RECQL5: variants seen among roughly 807,000 people sequenced by gnomAD.
The protein encoded by RECQL5 is ATP-dependent DNA helicase Q5.
A neutral mutation model predicts 103.4 loss-of-function variants in RECQL5; 88 were observed. The ratio of observed to expected loss-of-function variants is 0.85; its 90% confidence interval spans 0.72 to 1.02. The LOEUF (loss-of-function observed/expected upper bound fraction) is 1.02, where lower values mean the gene tolerates loss of function less well. Among genes scored for constraint, RECQL5 ranks in the 50% least tolerant of loss-of-function variants. The pLI, the probability that RECQL5 is intolerant of heterozygous loss-of-function variation, is 0.00. For missense variants in RECQL5, 1,232 were observed against 1,284.3 expected, an observed-to-expected ratio of 0.96 and a Z score of 0.62; for synonymous variants, 552 against 507.9, an observed-to-expected ratio of 1.09 and a Z score of -1.17.
Position 75,661,679 on chromosome 17 carries a change from C to A in RECQL5, c.801G>T (p.Arg267Ser). Residue 267 changes from arginine to serine, a missense_variant, in exon 5 of 20, where the codon AGG becomes AGT. Coordinates refer to ENST00000317905, the MANE Select transcript of RECQL5 (RefSeq NM_004259.7). ...CCAGCTGTTCACAAGCCTCTCTAGT[C>A]CTGCAGTACACAATGCCGCAGCCAG... ...GLSGCGIVYC[R>S]TREACEQLAI... 1.9e-6 allele frequency: 3 copies of A among 1,614,090 alleles called. No homozygotes were observed. Among genetic ancestry groups the A allele is most frequent in the Non-Finnish European group, 2.5e-6 (3 of 1,180,014 alleles).
At chr17:75,633,367 C>T in intron 8 of RECQL5, 2 of 1,176,140 alleles carry the variant, frequency 1.7e-6, no homozygotes, top group Non-Finnish European at 2.2e-6. Flanking sequence ...CACAACCAGG[C>T]AAATGTCACA....
chr17:75,665,203 T>C (rs981186754), intron 2 of RECQL5, 31 bp from the exon 3 acceptor site: 4 of 1,590,256 alleles, frequency 2.5e-6, no homozygotes, highest in Non-Finnish European at 3.4e-6. Context: ...AATATCTCAG[T>C]GCTTCCTGCC....
intron 5 of RECQL5, 105 bp from the exon 6 acceptor site, chr17:75,661,171 A>C (rs954565803): frequency 3.1e-5 from 26 of 826,934 alleles, no homozygotes; most frequent in Admixed American, 9.3e-5. Context: ...ACAAACCCTG[A>C]ATCTTTCACT....
chr17:75,661,275 T>C (rs1201703758), intron 5 of RECQL5, among the ~76,000 whole-genome samples: 1 of 152,208 alleles, frequency 6.6e-6, no homozygotes, highest in Non-Finnish European at 1.5e-5. Context: ...CACAGAGCAT[T>C]TGGCAAAGGT....
intron 6 of RECQL5, among the ~76,000 whole-genome samples, chr17:75,658,993 T>A (rs528317517): frequency 6.6e-6 from 1 of 152,306 alleles, no homozygotes; most frequent in South Asian, 2.1e-4. Flanking sequence ...CCTAGGGGTG[T>A]CTGCCTTCAA....
At chr17:75,630,545 GT>G (rs1329488041) in intron 13 of RECQL5, 73 bp downstream of exon 13, 14 of 1,516,116 alleles carry the variant, frequency 9.2e-6, no homozygotes, top group Non-Finnish European at 1.3e-5. Flanking sequence ...ACAGGCCAGG[GT>G]TGACAGGGTC....
rs561863212 is a variant in RECQL5, at chr17:75,656,970, T to G, written c.1149+1328A>C. Among the ~76,000 whole-genome samples the G allele has an allele frequency of 9.9e-5, 15 of 152,200 alleles. No individual in the cohort carries two copies. In the South Asian group the frequency reaches 3.1e-3, roughly 32 times the overall value. On this transcript the variant is annotated intron_variant, in intron 7 of 19. Coordinates refer to ENST00000317905, the MANE Select transcript of RECQL5 (RefSeq NM_004259.7). ...CGTGTTAGTCAGGATCGTCTTGATC[T>G]CCTGACCTCGTGATCCACCCGCCTC... is the stretch of plus-strand genomic sequence containing the variant.
At chr17:75,641,448 C>G (rs2059433869) in intron 8 of RECQL5, 1 of 153,688 alleles carries the variant, frequency 6.5e-6, no homozygotes, top group African/African-American at 2.4e-5. Flanking sequence ...GGGCTCTGTA[C>G]ATTGGGAGGG....
chr17:75,628,378 T>G lies in RECQL5; in HGVS notation c.2645A>C (p.Glu882Ala). ...GCTGGCCGAGACGCTGCCCTTGACC[T>G]CAGCTACGACGGAGGGCTTGGCTGA... Reference protein sequence around the residue: ...RPSAKPSVVAEVKGSVSASEQ... With the variant: ...RPSAKPSVVAAVKGSVSASEQ... The change falls in exon 18 of 20, where the codon GAG becomes GCG. Residue 882 changes from glutamate to alanine, a missense_variant. Coordinates refer to ENST00000317905, the MANE Select transcript of RECQL5 (RefSeq NM_004259.7). The G allele has an allele frequency of 1.2e-6, 2 of 1,614,028 alleles. No homozygotes were observed. The highest frequency in any genetic ancestry group is 1.7e-6 in the Non-Finnish European group (2 of 1,180,028).
chr17:75,661,561 A>G, intron 5 of RECQL5, 45 bp downstream of exon 5: 1 of 1,331,248 alleles, frequency 7.5e-7, no homozygotes, highest in Non-Finnish European at 1.1e-6. Context: ...CCAGCTAAGA[A>G]GCCTCTGAGG....
chr17:75,634,004 G>A (rs970025985), intron 8 of RECQL5: 22 of 985,436 alleles, frequency 2.2e-5, no homozygotes, highest in Non-Finnish European at 2.7e-5. Context: ...GCTCCCCCTC[G>A]CGACGGTAAT....
At chr17:75,650,543 C>G in intron 8 of RECQL5, 1 of 1,502,646 alleles carries the variant, frequency 6.7e-7, no homozygotes, top group Non-Finnish European at 9.0e-7. Context: ...ATCACGTCAG[C>G]GTCATCCGAC....
chr17:75,660,852 G>C (rs1173729598), intron 6 of RECQL5, 103 bp downstream of exon 6: 3 of 839,538 alleles, frequency 3.6e-6, no homozygotes, highest in Non-Finnish European at 6.2e-6. Context: ...TTCCCCTCTA[G>C]CCCTCGAAGG....
At chr17:75,628,907 A>C in intron 16 of RECQL5, 27 bp downstream of exon 16, 2 of 1,582,014 alleles carry the variant, frequency 1.3e-6, no homozygotes, top group Non-Finnish European at 1.7e-6. Context: ...AGGTTCCAGA[A>C]GATTCTATGA....
intron 8 of RECQL5, chr17:75,634,191 C>G (rs1171126149): frequency 1.0e-6 from 1 of 985,454 alleles, no homozygotes; most frequent in East Asian, 1.1e-4. Flanking sequence ...CCCCCAACAC[C>G]TGAGCTCCCA....
At chr17:75,658,778 C>G (rs2059661149) in intron 6 of RECQL5, among the ~76,000 whole-genome samples, 1 of 152,108 alleles carries the variant, frequency 6.6e-6, no homozygotes, top group Non-Finnish European at 1.5e-5. Flanking sequence ...ATGAGCTATG[C>G]AAATTTGAAT....
chr17:75,655,198 AG>A (rs2059601099), intron 7 of RECQL5, among the ~76,000 whole-genome samples: 1 of 152,138 alleles, frequency 6.6e-6, no homozygotes, highest in South Asian at 2.1e-4. Flanking sequence ...CAGCCTCCCG[AG>A]TAACTGGGAT....
intron 7 of RECQL5, among the ~76,000 whole-genome samples, chr17:75,656,866 T>C (rs2059628665): frequency 6.7e-6 from 1 of 148,626 alleles, no homozygotes; most frequent in Non-Finnish European, 1.5e-5. Flanking sequence ...TGCCCCAACC[T>C]CCCAAGTAGC....
In RECQL5 at chr17:75,628,146, C is replaced by T. The variant is rs2059136606; in HGVS notation, c.2805+72G>A. On this transcript the variant is annotated intron_variant, in intron 18 of 19. Transcript: ENST00000317905. ...CCACTGTGTTCTGGGGCTCAAACTCCCTGCCTCCCACCCCCACTACACCCA... is the reference window on the plus strand; with the variant it reads ...CCACTGTGTTCTGGGGCTCAAACTCTCTGCCTCCCACCCCCACTACACCCA... The T allele has an allele frequency of 2.2e-6, 3 of 1,339,394 alleles. No homozygotes were observed. The South Asian group carries it at 3.6e-5, about 16-fold the overall frequency. The allele number at this position is 1,339,394 out of a possible 1,614,324, so 83.0% of individuals were successfully genotyped here.
Sources: allele counts gnomAD v4.1 joint callset (sites outside exome capture counted in the v4.1 genomes callset), GRCh38; gene constraint gnomAD v4.1.1; transcripts MANE v1.5; gene names NCBI Gene and HGNC (gene_info 2026-07-23, HGNC 2026-07-21).